The following MAGI2 variants were observed in gnomAD, a reference collection of about 807,000 sequenced individuals.
MAGI2 encodes the protein membrane-associated guanylate kinase, WW and PDZ domain-containing protein 2.
Under a neutral mutation model 133.3 loss-of-function variants are expected in MAGI2, and 35 were observed. That is an observed-to-expected ratio of 0.26 (90% confidence interval 0.20 to 0.35). The LOEUF is 0.35. MAGI2 is among the 10% of genes least tolerant of loss of function. MAGI2 has a pLI of 1.00. For missense variants in MAGI2, 1,636 were observed against 1,863.4 expected (o/e 0.88, Z 2.25); for synonymous variants, 729 against 710.6 (o/e 1.03, Z -0.41).
intron 3 of MAGI2, among the ~76,000 whole-genome samples, chr7:78,559,962 G>C (rs1048592639): frequency 6.6e-6 from 1 of 152,074 alleles, no homozygotes; most frequent in African/African-American, 2.4e-5. Context: ...AGGGACTAAA[G>C]TAGAGAAAGA....
At chr7:78,704,584 A>T (rs573092311) in intron 2 of MAGI2, among the ~76,000 whole-genome samples, 20 of 152,232 alleles carry the variant, frequency 1.3e-4, no homozygotes, top group Admixed American at 1.2e-3. Flanking sequence ...ACAAAGGTAT[A>T]GAGACACATG....
chr7:78,121,132 G>A (rs1820432395), intron 20 of MAGI2, among the ~76,000 whole-genome samples: 1 of 148,330 alleles, frequency 6.7e-6, no homozygotes, highest in African/African-American at 2.5e-5. Context: ...GATATAAAAA[G>A]TAAAACTATA....
intron 2 of MAGI2, among the ~76,000 whole-genome samples, chr7:78,894,732 T>C (rs1398614678): frequency 6.6e-6 from 1 of 152,160 alleles, no homozygotes; most frequent in African/African-American, 2.4e-5. Context: ...AATCCAATAA[T>C]ATATTTTAAA....
chr7:78,461,274 C>T (rs1584244503), intron 6 of MAGI2, among the ~76,000 whole-genome samples: 1 of 152,068 alleles, frequency 6.6e-6, no homozygotes, highest in African/African-American at 2.4e-5. Flanking sequence ...TAAATAAAAG[C>T]ACTCTAAGAG....
At chr7:78,946,655 C>T (rs1801440404) in intron 2 of MAGI2, 1 of 152,096 alleles carries the variant, frequency 6.6e-6, no homozygotes. Context: ...ATTTCAAGTA[C>T]TGCTTCTGGG....
chr7:79,188,103 G>A (rs966480927), intron 1 of MAGI2, among the ~76,000 whole-genome samples: 1 of 151,762 alleles, frequency 6.6e-6, no homozygotes, highest in Non-Finnish European at 1.5e-5. Flanking sequence ...ACCATATTAA[G>A]CATCCAATTT....
chr7:78,592,688 A>G (rs1168645456), intron 3 of MAGI2, among the ~76,000 whole-genome samples: 1 of 152,164 alleles, frequency 6.6e-6, no homozygotes, highest in Admixed American at 6.5e-5. Flanking sequence ...GAACAGATGC[A>G]TATTTGCATG....
rs1318935789 is a variant in MAGI2 at position 78,971,815 on chromosome 7, G to T, written c.418+35275C>A. ...ACCTGTATAATGGGGGTTTCATCAG[G>T]CTAGATGAGAAAATTCATGGTAATC... On this transcript the variant is annotated intron_variant, in intron 2 of 21. Coordinates refer to ENST00000354212, the MANE Select transcript of MAGI2 (RefSeq NM_012301.4). Among the ~76,000 whole-genome samples the T allele has an allele frequency of 2.6e-5, 4 of 151,996 alleles. No homozygotes were observed. The South Asian group carries it at 8.3e-4, about 32-fold the overall frequency.
chr7:79,026,295 A>G (rs1298550597), intron 1 of MAGI2, among the ~76,000 whole-genome samples: 1 of 152,254 alleles, frequency 6.6e-6, no homozygotes, highest in Admixed American at 6.5e-5. Flanking sequence ...TATTTGAAGG[A>G]TGCAGTCTTA....
Position 78,938,960 on chromosome 7 carries a change from T to C in MAGI2, c.418+68130A>G, listed in dbSNP as rs367638435. ...CGGTTGGAGTTAATCCATTCATGTATGCAAAACATTCATTAAGATCCCCAC... is the reference window on the plus strand; with the variant it reads ...CGGTTGGAGTTAATCCATTCATGTACGCAAAACATTCATTAAGATCCCCAC... On this transcript the variant is annotated intron_variant, in intron 2 of 21. Transcript: ENST00000354212. 1.1e-4 allele frequency among the ~76,000 whole-genome samples: 17 copies of C among 152,248 alleles called. No individual in the cohort carries two copies. The East Asian group carries it at 3.3e-3, about 29-fold the overall frequency.
At position 78,612,756 on chromosome 7, in the gene MAGI2, G is replaced by A. The variant is rs139763186; in HGVS notation, c.538+14364C>T. 4.6e-3 allele frequency among the ~76,000 whole-genome samples: 697 copies of A among 151,772 alleles called. 2 individuals carry two copies. Among genetic ancestry groups the A allele is most frequent in the African/African-American group, 0.016 (649 of 41,378 alleles). On this transcript the variant is annotated intron_variant, in intron 3 of 21. Coordinates refer to ENST00000354212, the MANE Select transcript of MAGI2 (RefSeq NM_012301.4). ...GGGATCTCTGCTCAGTGCAACCTCC[G>A]CCTCCCAGGTTCATGCCATTCTCCT...
At chr7:79,321,938 T>C (rs1363208727) in intron 1 of MAGI2, among the ~76,000 whole-genome samples, 1 of 152,154 alleles carries the variant, frequency 6.6e-6, no homozygotes, top group African/African-American at 2.4e-5. Context: ...TCTCACAGCC[T>C]TACTCGAATG....
chr7:78,998,157 G>A (rs1806496206), intron 2 of MAGI2, among the ~76,000 whole-genome samples: 1 of 152,076 alleles, frequency 6.6e-6, no homozygotes, highest in East Asian at 1.9e-4. Context: ...ATGCATGGCT[G>A]GTTTTATCCA....
intron 3 of MAGI2, among the ~76,000 whole-genome samples, chr7:78,611,261 A>G (rs533635282): frequency 2.6e-5 from 4 of 152,304 alleles, no homozygotes; most frequent in Admixed American, 1.3e-4. Flanking sequence ...ATGATAAAGC[A>G]TTTCTTTATA....
intron 2 of MAGI2, among the ~76,000 whole-genome samples, chr7:78,630,387 G>A (rs1045002739): frequency 6.8e-6 from 1 of 147,920 alleles, no homozygotes; most frequent in African/African-American, 2.5e-5. Flanking sequence ...CAGCTGAAAT[G>A]TGGTGTACTG....
At chr7:78,223,789 A>G (rs1201765501) in intron 10 of MAGI2, among the ~76,000 whole-genome samples, 1 of 152,190 alleles carries the variant, frequency 6.6e-6, no homozygotes, top group Non-Finnish European at 1.5e-5. Flanking sequence ...GAAACCCAGA[A>G]GAGAATTTAT....
At chr7:78,039,875 G>A (rs984721836) in intron 21 of MAGI2, among the ~76,000 whole-genome samples, 4 of 152,178 alleles carry the variant, frequency 2.6e-5, no homozygotes, top group African/African-American at 9.7e-5. Context: ...GTTATTCCAG[G>A]GCAATAGACT....
intron 6 of MAGI2, among the ~76,000 whole-genome samples, chr7:78,370,460 G>T (rs921239528): frequency 2.6e-5 from 4 of 151,750 alleles, no homozygotes; most frequent in African/African-American, 9.7e-5. Context: ...CCTGTCATGT[G>T]TCATCTGTAT....
rs187212426 is a variant in MAGI2, at chr7:78,647,464, A to G, written c.419-20225T>C. ...AATGAGATACCATCTCATGCCCGTT[A>G]GAATGGTGATCATTAAAAACTCAGG... On this transcript the variant is annotated intron_variant, in intron 2 of 21. Transcript: ENST00000354212. Among the ~76,000 whole-genome samples the G allele has an allele frequency of 7.2e-5, 11 of 152,330 alleles. No individual in the cohort carries two copies. The East Asian group carries it at 2.1e-3, about 29-fold the overall frequency.
Sources: gnomAD v4.1 joint callset for allele counts (sites outside exome capture counted in the v4.1 genomes callset) on GRCh38, gnomAD v4.1.1 for gene constraint, MANE v1.5 for transcripts, NCBI Gene and HGNC (gene_info 2026-07-23, HGNC 2026-07-21) for gene names.